The following CCDC192 variants were observed in gnomAD, a reference collection of about 807,000 sequenced individuals.
CCDC192 encodes coiled-coil domain-containing protein 192.
intron 1 of CCDC192, among the ~76,000 whole-genome samples, 162 bp from the exon 2 acceptor site, chr5:127,707,547 C>T (rs1211349212): frequency 6.6e-6 from 1 of 151,768 alleles, no homozygotes; most frequent in African/African-American, 2.4e-5. Flanking sequence ...TTTTTATTTC[C>T]CTTAGAAATG....
chr5:127,864,457 T>C (rs934883304), intron 5 of CCDC192, among the ~76,000 whole-genome samples: 4 of 152,218 alleles, frequency 2.6e-5, no homozygotes, highest in South Asian at 4.1e-4. Flanking sequence ...TACTTAAAGA[T>C]CCTTGCTTGG....
upstream of CCDC192, chr5:127,703,386 A>G (rs248724): frequency 0.68 from 269,480 of 398,516 alleles, 91,690 homozygotes; most frequent in African/African-American, 0.78. Context: ...AAAACTCTAA[A>G]GAATGATGCC....
At chr5:127,800,405 C>CAAAAA (rs1270678610) in intron 5 of CCDC192, among the ~76,000 whole-genome samples, 39 of 93,418 alleles carry the variant, frequency 4.2e-4, no homozygotes, top group Non-Finnish European at 5.8e-4. Context: ...AAAAAAACAA[C>CAAAAA]AACAACAAAA....
Position 127,773,157 on chromosome 5 carries a change from A to G in CCDC192, c.222+18782A>G, listed in dbSNP as rs142370822. Among the ~76,000 whole-genome samples, 686 of 152,352 alleles carry G rather than the reference A, an allele frequency of 4.5e-3. 3 individuals carry two copies. The highest frequency in any genetic ancestry group is 0.025 in the South Asian group (122 of 4,830). On this transcript the variant is annotated intron_variant, in intron 3 of 6. Coordinates refer to ENST00000514853, the MANE Select transcript of CCDC192 (RefSeq NM_001317938.2). Reference sequence around the variant, plus strand: ...ACCCACCTGAGGTTTGTATTTATTAATTTAAAATGAAACCAGTGAATCCAA... The same window carrying G: ...ACCCACCTGAGGTTTGTATTTATTAGTTTAAAATGAAACCAGTGAATCCAA...
chr5:127,733,911 C>A (rs1326296339), intron 2 of CCDC192, among the ~76,000 whole-genome samples: 2 of 149,044 alleles, frequency 1.3e-5, no homozygotes, highest in Non-Finnish European at 3.0e-5. Context: ...CATGCCTTCA[C>A]TAACTATATA....
At chr5:127,706,817 T>C (rs897816056) in intron 1 of CCDC192, among the ~76,000 whole-genome samples, 5 of 151,984 alleles carry the variant, frequency 3.3e-5, no homozygotes, top group African/African-American at 1.2e-4. Flanking sequence ...AATAGTATGG[T>C]GATGAGGTGA....
At chr5:127,748,583 C>G (rs1416881403) in intron 2 of CCDC192, among the ~76,000 whole-genome samples, 1 of 145,240 alleles carries the variant, frequency 6.9e-6, no homozygotes, top group Admixed American at 7.0e-5. Context: ...ATTGACTTGG[C>G]GATTTGGGCT....
chr5:127,938,661 A>G (rs1754256571), intron 6 of CCDC192, among the ~76,000 whole-genome samples: 1 of 152,272 alleles, frequency 6.6e-6, no homozygotes, highest in Non-Finnish European at 1.5e-5. Flanking sequence ...AAATATTATC[A>G]TTTTAATGCA....
At chr5:127,884,822 A>G (rs1752502130) in intron 6 of CCDC192, among the ~76,000 whole-genome samples, 1 of 152,190 alleles carries the variant, frequency 6.6e-6, no homozygotes, top group Non-Finnish European at 1.5e-5. Flanking sequence ...GGAAAGTACA[A>G]CATTTCTCTT....
chr5:127,901,154 C>CA (rs1287300150), intron 6 of CCDC192, among the ~76,000 whole-genome samples: 5 of 152,120 alleles, frequency 3.3e-5, no homozygotes, highest in Middle Eastern at 3.4e-3. Context: ...TTACAGTAAA[C>CA]AAAAAAGATG....
intron 3 of CCDC192, among the ~76,000 whole-genome samples, chr5:127,782,651 A>G (rs970681172): frequency 6.6e-6 from 1 of 152,038 alleles, no homozygotes; most frequent in African/African-American, 2.4e-5. Context: ...CTGCGGTGTC[A>G]GCTGTAATAT....
At chr5:127,848,887 C>G (rs1448451950) in intron 5 of CCDC192, among the ~76,000 whole-genome samples, 1 of 152,114 alleles carries the variant, frequency 6.6e-6, no homozygotes, top group African/African-American at 2.4e-5. Flanking sequence ...ATAAAAGGAG[C>G]AGTTTGCCAC....
rs544818445 is a variant in CCDC192 at position 127,794,845 on chromosome 5, A to G, written c.223-2258A>G. Reference sequence around the variant, plus strand: ...AAAATGGGCCCAACTGAGAGAGATTATATTTGAGAAAAAAATAATTCCAGA... The same window carrying G: ...AAAATGGGCCCAACTGAGAGAGATTGTATTTGAGAAAAAAATAATTCCAGA... On this transcript the variant is annotated intron_variant, in intron 3 of 6. Coordinates refer to ENST00000514853, the MANE Select transcript of CCDC192 (RefSeq NM_001317938.2). 3.9e-5 allele frequency among the ~76,000 whole-genome samples: 6 copies of G among 152,210 alleles called. No homozygotes were observed. The South Asian group carries it at 8.3e-4, about 21-fold the overall frequency.
chr5:127,870,888 C>A (rs1297459308), intron 5 of CCDC192, among the ~76,000 whole-genome samples: 1 of 152,222 alleles, frequency 6.6e-6, no homozygotes, highest in Non-Finnish European at 1.5e-5. Context: ...AAGAGAAATG[C>A]AAGGAAGAAC....
chr5:127,934,367 T>G (rs765049208), intron 6 of CCDC192, among the ~76,000 whole-genome samples: 10 of 152,250 alleles, frequency 6.6e-5, no homozygotes, highest in Admixed American at 3.9e-4. Context: ...TAGCTAATTT[T>G]ATATACTACA....
intron 6 of CCDC192, among the ~76,000 whole-genome samples, chr5:127,892,669 G>A (rs1243495046): frequency 5.3e-5 from 8 of 152,146 alleles, no homozygotes; most frequent in Admixed American, 5.2e-4. Flanking sequence ...TTGTTGACTA[G>A]TTTTATGAAG....
intron 3 of CCDC192, among the ~76,000 whole-genome samples, chr5:127,794,606 T>C (rs936576581): frequency 6.6e-6 from 1 of 152,342 alleles, no homozygotes; most frequent in Non-Finnish European, 1.5e-5. Flanking sequence ...GGCTAAAGTA[T>C]GAGTTTTTTG....
intron 2 of CCDC192, among the ~76,000 whole-genome samples, chr5:127,733,072 T>C (rs531525929): frequency 6.6e-6 from 1 of 152,284 alleles, no homozygotes; most frequent in South Asian, 2.1e-4. Context: ...TTAAAAATTC[T>C]CTTTAGCTGG....
In CCDC192 at chr5:127,707,761, G is replaced by T. The variant is rs1483394340; in HGVS notation, c.114+1G>T. ...TATACCACAAGAAAACAAAGTATCG[G>T]TAAGAAATGAAGTTTGTATGAATTC... On this transcript the variant is annotated splice_donor_variant, in intron 2 of 6. Transcript: ENST00000514853. LOFTEE classifies it high-confidence loss of function. 2.5e-6 allele frequency: 1 copy of T among 398,014 alleles called. No homozygotes were observed. The highest frequency in any genetic ancestry group is 4.4e-6 in the Non-Finnish European group (1 of 225,520). The allele number at this position is 398,014 out of a possible 1,614,324, so 24.7% of individuals were successfully genotyped here.
Sources: allele counts gnomAD v4.1 joint callset (sites outside exome capture counted in the v4.1 genomes callset), GRCh38; gene constraint gnomAD v4.1.1; transcripts MANE v1.5; gene names NCBI Gene and HGNC (gene_info 2026-07-23, HGNC 2026-07-21).